THSD7B: variants seen among roughly 807,000 people sequenced by gnomAD.
THSD7B encodes the protein thrombospondin type-1 domain-containing protein 7B.
In THSD7B, 138 loss-of-function variants were observed where a neutral mutation model predicts 213.6. The ratio of observed to expected loss-of-function variants is 0.65; its 90% confidence interval spans 0.56 to 0.74. The LOEUF is 0.74. THSD7B is among the 30% of genes least tolerant of loss of function. The pLI is 0.00. For synonymous variants in THSD7B, 742 were observed against 687.0 expected (o/e 1.08, Z -1.25); for missense variants, 1,931 against 1,991.5 (o/e 0.97, Z 0.58).
Position 137,393,495 on chromosome 2 carries a change from A to AT in THSD7B, c.2501-12112dup, listed in dbSNP as rs895263030. Among the ~76,000 whole-genome samples, 52 of 148,856 alleles carry AT rather than the reference A, an allele frequency of 3.5e-4. 3 individuals are homozygous for AT. In the Middle Eastern group the frequency reaches 0.056, roughly 159 times the overall value. ...TCCCTACAAAGCACATGAACTCATC[A>AT]TTTTTTATGGCTGCATAGTATTCCA... On this transcript the variant is annotated intron_variant, in intron 12 of 27. Transcript: ENST00000409968.
intron 2 of THSD7B, among the ~76,000 whole-genome samples, chr2:136,994,698 A>G (rs1018789090): frequency 6.6e-6 from 1 of 152,182 alleles, no homozygotes; most frequent in African/African-American, 2.4e-5. Flanking sequence ...AGAAGGGAAA[A>G]CACACTCCTT....
At chr2:137,301,584 C>A (rs59726848) in intron 12 of THSD7B, among the ~76,000 whole-genome samples, 9,282 of 151,380 alleles carry the variant, frequency 0.061, 523 homozygotes, top group African/African-American at 0.14. Flanking sequence ...AAATATATTT[C>A]AATGTTAATA....
intron 10 of THSD7B, among the ~76,000 whole-genome samples, chr2:137,252,582 C>T (rs764547622): frequency 6.6e-6 from 1 of 152,216 alleles, no homozygotes; most frequent in East Asian, 1.9e-4. Flanking sequence ...CAGGTGTGAG[C>T]CACTGTGCCT....
Position 136,785,350 on chromosome 2 carries a change from C to A in THSD7B, c.-36+19663C>A, listed in dbSNP as rs567093571. On this transcript the variant is annotated intron_variant, in intron 1 of 27. Coordinates refer to ENST00000409968, the MANE Select transcript of THSD7B (RefSeq NM_001316349.2). The stretch of plus-strand genomic sequence containing the variant: ...TTCCCCTTGCCCCCTCAGGTTAGAG[C>A]TGGTGAGGCAGTGTAGCCCCTCTGC... Among the ~76,000 whole-genome samples, 7 of 152,272 alleles carry A rather than the reference C, an allele frequency of 4.6e-5. No homozygotes were observed. The South Asian group carries it at 1.4e-3, about 32-fold the overall frequency.
intron 7 of THSD7B, among the ~76,000 whole-genome samples, chr2:137,213,233 T>A (rs1681161144): frequency 6.6e-6 from 1 of 151,198 alleles, no homozygotes; most frequent in East Asian, 1.9e-4. Context: ...GCTAGCTAGC[T>A]AGATATCAGG....
Position 137,623,010 on chromosome 2 carries a change from G to A in THSD7B, c.3799+2284G>A, listed in dbSNP as rs1240293256. ...AGCATCATCCTGATACCAAAGCCTG[G>A]CAGAGACACAACAAAAAAAGAGAAT... On this transcript the variant is annotated intron_variant, in intron 20 of 27. Coordinates refer to ENST00000409968, the MANE Select transcript of THSD7B (RefSeq NM_001316349.2). 5.9e-5 allele frequency among the ~76,000 whole-genome samples: 9 copies of A among 151,724 alleles called. No homozygotes were observed. The South Asian group carries it at 6.3e-4, about 11-fold the overall frequency.
chr2:137,551,135 A>G lies in THSD7B; in HGVS notation c.3139-12086A>G, dbSNP rs943099072. ...CTTCTCAGAAAAAATTATTCTTCAA[A>G]AAATTATCCTTCTGAAAGTGATCTC... On this transcript the variant is annotated intron_variant, in intron 15 of 27. Coordinates refer to ENST00000409968, the MANE Select transcript of THSD7B (RefSeq NM_001316349.2). 3.3e-5 allele frequency among the ~76,000 whole-genome samples: 5 copies of G among 152,180 alleles called. No individual in the cohort carries two copies. The East Asian group carries it at 9.7e-4, about 29-fold the overall frequency.
chr2:137,500,948 T>TC (rs1258093561), intron 15 of THSD7B, among the ~76,000 whole-genome samples: 3 of 152,176 alleles, frequency 2.0e-5, no homozygotes. Context: ...TGGTTTTTTT[T>TC]TATATTAGAA....
At position 137,568,143 on chromosome 2, in the gene THSD7B, G is replaced by A. The variant is rs188854073; in HGVS notation, c.3273-4263G>A. On this transcript the variant is annotated intron_variant, in intron 16 of 27. Transcript: ENST00000409968. ...GAGTTTGTTGATGATCTCACTAAGA[G>A]GTTTCTCTGGAATGGTAATAAAAGT... Among the ~76,000 whole-genome samples, 136 of 152,246 alleles carry A rather than the reference G, an allele frequency of 8.9e-4. 3 individuals carry two copies. Among genetic ancestry groups the A allele is most frequent in the Middle Eastern group, 3.4e-3 (1 of 294 alleles).
At chr2:137,509,359 C>G (rs1368137448) in intron 15 of THSD7B, among the ~76,000 whole-genome samples, 2 of 141,838 alleles carry the variant, frequency 1.4e-5, no homozygotes, top group Admixed American at 7.5e-5. Flanking sequence ...TTTCTCCTTC[C>G]TTCCTCCCTT....
chr2:137,022,533 C>T (rs535639107), intron 2 of THSD7B, among the ~76,000 whole-genome samples: 3 of 149,968 alleles, frequency 2.0e-5, no homozygotes, highest in East Asian at 3.9e-4. Context: ...AGATGTACCA[C>T]AAAAAAATCT....
intron 5 of THSD7B, among the ~76,000 whole-genome samples, chr2:137,124,476 G>C (rs1035277566): frequency 6.6e-6 from 1 of 152,086 alleles, no homozygotes; most frequent in African/African-American, 2.4e-5. Flanking sequence ...TTCATAAGAG[G>C]ACATAGTCAC....
rs557235301 is a variant in THSD7B, at chr2:137,086,980, A to G, written c.951-7893A>G. 8.5e-4 allele frequency among the ~76,000 whole-genome samples: 130 copies of G among 152,342 alleles called. 1 individual carries two copies. Among genetic ancestry groups the G allele is most frequent in the Non-Finnish European group, 1.5e-3 (104 of 68,030 alleles). On this transcript the variant is annotated intron_variant, in intron 3 of 27. Coordinates refer to ENST00000409968, the MANE Select transcript of THSD7B (RefSeq NM_001316349.2). ...ACATCATCCTGTGGATTTGCAAGAA[A>G]TTGAGCACAACCAAAGGTCCCACTA... is the stretch of plus-strand genomic sequence containing the variant.
At chr2:136,778,618 T>C (rs914210354) in intron 1 of THSD7B, among the ~76,000 whole-genome samples, 10 of 152,200 alleles carry the variant, frequency 6.6e-5, no homozygotes, top group Non-Finnish European at 1.5e-4. Flanking sequence ...CTGTTACCGA[T>C]CTAATAATTG....
chr2:136,816,543 TG>T (rs777335016), intron 1 of THSD7B, among the ~76,000 whole-genome samples: 4 of 152,256 alleles, frequency 2.6e-5, no homozygotes, highest in Admixed American at 6.5e-5. Flanking sequence ...TTTGAGTTTT[TG>T]TTTTATTTTG....
At chr2:137,219,928 T>C (rs571163213) in intron 7 of THSD7B, among the ~76,000 whole-genome samples, 4 of 152,192 alleles carry the variant, frequency 2.6e-5, no homozygotes, top group African/African-American at 9.6e-5. Flanking sequence ...CAGTTGTTAC[T>C]TCAGTAAACA....
chr2:136,926,730 G>A (rs544219), intron 2 of THSD7B, among the ~76,000 whole-genome samples: 62,873 of 151,386 alleles, frequency 0.42, 14,997 homozygotes, highest in Non-Finnish European at 0.55. Context: ...AAAAAACAGT[G>A]CTCATGAGCA....
chr2:137,476,330 C>T (rs528928856), intron 15 of THSD7B, among the ~76,000 whole-genome samples: 85 of 151,882 alleles, frequency 5.6e-4, no homozygotes, highest in African/African-American at 1.9e-3. Flanking sequence ...AATATGGTTC[C>T]GTTTGTTTAT....
At chr2:137,445,735 G>T (rs1268480497) in intron 14 of THSD7B, among the ~76,000 whole-genome samples, 1 of 151,852 alleles carries the variant, frequency 6.6e-6, no homozygotes, top group Non-Finnish European at 1.5e-5. Context: ...AATAATTGTT[G>T]TACATTTCAA....
Sources: allele counts gnomAD v4.1 joint callset (sites outside exome capture counted in the v4.1 genomes callset), GRCh38; gene constraint gnomAD v4.1.1; transcripts MANE v1.5; gene names NCBI Gene and HGNC (gene_info 2026-07-23, HGNC 2026-07-21).